Variants in GRB10 observed in about 807,000 individuals in gnomAD.
The protein encoded by GRB10 is growth factor receptor bound protein 10, also known as growth factor receptor-bound protein 10.
In GRB10, 20 loss-of-function variants were observed where a neutral mutation model predicts 80.9. That is an observed-to-expected ratio of 0.25 (90% CI 0.17 to 0.36). The LOEUF is 0.36. GRB10 is among the 10% of genes least tolerant of loss of function. GRB10 has a pLI of 1.00. For synonymous variants in GRB10, 291 were observed against 291.5 expected (o/e 1.00, Z 0.02); for missense variants, 548 against 747.7 (o/e 0.73, Z 3.12).
chr7:50,611,886 G>A (rs1214245462), intron 13 of GRB10, among the ~76,000 whole-genome samples: 1 of 152,160 alleles, frequency 6.6e-6, no homozygotes, highest in Non-Finnish European at 1.5e-5. Flanking sequence ...ATCTCCTATG[G>A]AGACCCCTGG....
chr7:50,593,118 C>T lies in GRB10; in HGVS notation c.1639-20G>A. On this transcript the variant is annotated intron_variant, in intron 18 of 18. Transcript: ENST00000401949. ...CTCGCACTGGAGAGACACAAGAACA[C>T]TTGCCAGGTTAGAGGCTGCCACCTC... The T allele has an allele frequency of 6.2e-7, 1 of 1,614,000 alleles. No homozygotes were observed. The highest frequency in any genetic ancestry group is 1.3e-5 in the African/African-American group (1 of 75,042).
chr7:50,672,518 A>G (rs1353629690), intron 6 of GRB10, among the ~76,000 whole-genome samples: 1 of 152,160 alleles, frequency 6.6e-6, no homozygotes, highest in Non-Finnish European at 1.5e-5. Flanking sequence ...CTTATCTGAG[A>G]GGACACCAGA....
chr7:50,628,670 T>C (rs1369279157), intron 7 of GRB10, among the ~76,000 whole-genome samples: 1 of 152,118 alleles, frequency 6.6e-6, no homozygotes, highest in Non-Finnish European at 1.5e-5. Context: ...CAGGGGAGCC[T>C]GCACTCTCAG....
At chr7:50,702,391 C>T (rs564591203) in intron 5 of GRB10, among the ~76,000 whole-genome samples, 503 of 152,330 alleles carry the variant, frequency 3.3e-3, no homozygotes, top group Non-Finnish European at 6.3e-3. Context: ...GCACCCATGC[C>T]GCTTTGGGAG....
intron 5 of GRB10, among the ~76,000 whole-genome samples, chr7:50,688,778 G>T (rs2062414904): frequency 6.7e-6 from 1 of 150,094 alleles, no homozygotes. Context: ...AAGGGTGGGG[G>T]TCGGGTGGGT....
At chr7:50,748,890 G>A (rs535585476) in intron 3 of GRB10, among the ~76,000 whole-genome samples, 2 of 152,260 alleles carry the variant, frequency 1.3e-5, no homozygotes, top group Admixed American at 1.3e-4. Flanking sequence ...AAGCTACCAG[G>A]ACATTTATTT....
chr7:50,791,691 CTCTG>C (rs1166693082), intron 1 of GRB10, among the ~76,000 whole-genome samples: 1 of 152,230 alleles, frequency 6.6e-6, no homozygotes, highest in Non-Finnish European at 1.5e-5. Context: ...GGGCGTGTAA[CTCTG>C]TCCTCAAATT....
chr7:50,632,889 T>C (rs965377537), intron 7 of GRB10, among the ~76,000 whole-genome samples: 4 of 152,084 alleles, frequency 2.6e-5, no homozygotes, highest in African/African-American at 9.7e-5. Context: ...GGTTGGTGCT[T>C]GTACCTGCCC....
intron 5 of GRB10, among the ~76,000 whole-genome samples, chr7:50,688,532 G>C (rs545999182): frequency 7.9e-5 from 12 of 152,210 alleles, no homozygotes; most frequent in African/African-American, 2.4e-4. Context: ...GACAAAGGCC[G>C]GGGAGGGCAA....
chr7:50,630,953 T>C (rs928932632), intron 7 of GRB10, among the ~76,000 whole-genome samples: 6 of 152,206 alleles, frequency 3.9e-5, no homozygotes, highest in Non-Finnish European at 8.8e-5. Flanking sequence ...AGCTTAATTT[T>C]TTTTGCAAAC....
chr7:50,732,048 C>T (rs756477327), intron 4 of GRB10, among the ~76,000 whole-genome samples: 10 of 152,204 alleles, frequency 6.6e-5, no homozygotes, highest in African/African-American at 1.2e-4. Context: ...CACAGTCAAA[C>T]GGGAATATGA....
intron 7 of GRB10, 46 bp from the exon 8 acceptor site, chr7:50,627,024 T>A: frequency 6.3e-7 from 1 of 1,592,934 alleles, no homozygotes; most frequent in Non-Finnish European, 8.6e-7. Flanking sequence ...ACTTCGGGCT[T>A]TCAAGAAATA....
intron 7 of GRB10, among the ~76,000 whole-genome samples, chr7:50,653,228 G>A (rs532601014): frequency 3.3e-5 from 5 of 152,272 alleles, no homozygotes; most frequent in Admixed American, 6.5e-5. Flanking sequence ...GGGCCCCAGT[G>A]CATGCTCCGA....
At chr7:50,732,814 T>C (rs547356621) in intron 3 of GRB10, among the ~76,000 whole-genome samples, 1 of 152,206 alleles carries the variant, frequency 6.6e-6, no homozygotes, top group African/African-American at 2.4e-5. Flanking sequence ...GAACATCATT[T>C]GAGTGAACAC....
At chr7:50,593,987 T>C (rs1001078168) in intron 18 of GRB10, among the ~76,000 whole-genome samples, 1 of 152,146 alleles carries the variant, frequency 6.6e-6, no homozygotes. Flanking sequence ...TCTTTCTTTT[T>C]TTTTTTTAAT....
At chr7:50,718,043 G>T (rs1161963088) in intron 4 of GRB10, among the ~76,000 whole-genome samples, 1 of 152,228 alleles carries the variant, frequency 6.6e-6, no homozygotes, top group Non-Finnish European at 1.5e-5. Context: ...GGAGGCCAGG[G>T]ACTCAGTCGG....
At chr7:50,666,665 C>T (rs2237468) in intron 7 of GRB10, among the ~76,000 whole-genome samples, 33,787 of 152,046 alleles carry the variant, frequency 0.22, 4,307 homozygotes, top group East Asian at 0.51. Context: ...ATGGTAGTTG[C>T]TTGCTCTCAG....
intron 10 of GRB10, among the ~76,000 whole-genome samples, chr7:50,617,371 T>C (rs1196930580): frequency 6.6e-6 from 1 of 152,218 alleles, no homozygotes; most frequent in African/African-American, 2.4e-5. Flanking sequence ...ATCTTGTTGG[T>C]GGCCTTAGGA....
chr7:50,669,851 C>T lies in GRB10; in HGVS notation c.375G>A (p.Glu125=), dbSNP rs780688108. The change falls in exon 7 of 19, where the codon GAG becomes GAA. Residue 125 remains glutamate (E), a synonymous_variant. Transcript: ENST00000401949. ...VHILAVRRLQ[E]EDQQFRTSSL... ...ATGAGGTTCTAAACTGCTGGTCTTC[C>T]TCCTGAAGGCGCCTGGAAGGCAGGG... 3.2e-5 allele frequency: 52 copies of T among 1,611,956 alleles called. No individual in the cohort carries two copies. Among genetic ancestry groups the T allele is most frequent in the Non-Finnish European group, 4.2e-5 (49 of 1,179,110 alleles).
Sources: allele counts gnomAD v4.1 joint callset (sites outside exome capture counted in the v4.1 genomes callset), GRCh38; gene constraint gnomAD v4.1.1; transcripts MANE v1.5; gene names NCBI Gene and HGNC (gene_info 2026-07-23, HGNC 2026-07-21).